The following WNK1 variants were observed in gnomAD, a reference collection of about 807,000 sequenced individuals.
WNK1 encodes WNK lysine deficient protein kinase 1, also known as serine/threonine-protein kinase WNK1.
WNK1 carries 38 observed loss-of-function variants against 222.8 expected under a neutral mutation model. The observed-to-expected ratio is 0.17, with a 90% CI of 0.13 to 0.22. WNK1 has a LOEUF of 0.22. Ranked by LOEUF, WNK1 falls within the 10% of genes least tolerant of loss-of-function variation. The probability of loss-of-function intolerance (pLI) is 1.00; values close to 1 mark genes in which losing one functional copy is unlikely to be tolerated. For synonymous variants in WNK1, 1,090 were observed against 1,092.9 expected (o/e 1.00, Z 0.05); for missense variants, 2,348 against 2,918.4 (o/e 0.80, Z 4.50).
chr12:856,844 AT>A (rs1950833887), intron 4 of WNK1, among the ~76,000 whole-genome samples: 1 of 152,238 alleles, frequency 6.6e-6, no homozygotes, highest in Non-Finnish European at 1.5e-5. Flanking sequence ...CTTCTAACCA[AT>A]TAGAACATTT....
At chr12:759,727 G>A (rs1323881109) in intron 1 of WNK1, among the ~76,000 whole-genome samples, 1 of 147,898 alleles carries the variant, frequency 6.8e-6, no homozygotes, top group African/African-American at 2.4e-5. Flanking sequence ...TTGTAACATA[G>A]TAGTTAAGAA....
chr12:900,738 C>T, intron 26 of WNK1, 68 bp downstream of exon 26: 1 of 1,596,044 alleles, frequency 6.3e-7, no homozygotes, highest in East Asian at 2.2e-5. Context: ...GGACAAAAGC[C>T]TGTTAAGGCG....
At chr12:763,078 A>G (rs1941243813) in intron 1 of WNK1, among the ~76,000 whole-genome samples, 1 of 146,800 alleles carries the variant, frequency 6.8e-6, no homozygotes, top group Non-Finnish European at 1.5e-5. Flanking sequence ...GTTTACTTTG[A>G]GGTTTGCAAG....
At chr12:847,908 G>C (rs1459988361) in intron 4 of WNK1, among the ~76,000 whole-genome samples, 1 of 141,560 alleles carries the variant, frequency 7.1e-6, no homozygotes, top group African/African-American at 2.6e-5. Flanking sequence ...CCAGGTTTAA[G>C]TGATAACTCC....
At chr12:777,977 A>G (rs1249313884) in intron 1 of WNK1, among the ~76,000 whole-genome samples, 1 of 152,224 alleles carries the variant, frequency 6.6e-6, no homozygotes, top group African/African-American at 2.4e-5. Context: ...TACTTTAGAA[A>G]GACTTTAAAC....
Position 884,068 on chromosome 12 carries a change from T to G in WNK1, c.3722-53T>G. ...ATGTGCCAATAATGAAGTCTAACAA[T>G]ATTTATAATAATAATGCTATTAAGT... On this transcript the variant is annotated intron_variant, in intron 17 of 27. Coordinates refer to ENST00000315939, the MANE Select transcript of WNK1 (RefSeq NM_018979.4). This position sits in a 1 kb window ranked among gnomAD's most constrained non-coding sequence, Gnocchi z 5.6. 6.2e-7 allele frequency: 1 copy of G among 1,610,924 alleles called. No individual in the cohort carries two copies.
rs377247405 is a variant in WNK1 at position 884,319 on chromosome 12, C to G, written c.3844+76C>G. The G allele has an allele frequency of 1.3e-6, 2 of 1,583,938 alleles. No individual in the cohort carries two copies. ...CTATGTTGAAAGCTTAATCATAAAG[C>G]AGTAATTTATGATGACACAGATAAT... On this transcript the variant is annotated intron_variant, in intron 18 of 27. Coordinates refer to ENST00000315939, the MANE Select transcript of WNK1 (RefSeq NM_018979.4). The surrounding 1 kb of genome is among the most constrained non-coding windows in gnomAD (Gnocchi z 5.6).
intron 8 of WNK1, among the ~76,000 whole-genome samples, chr12:870,855 G>A (rs1952081451): frequency 6.6e-6 from 1 of 152,176 alleles, no homozygotes; most frequent in African/African-American, 2.4e-5. Flanking sequence ...ACTACAAGAA[G>A]TATTACCAAA....
intron 1 of WNK1, among the ~76,000 whole-genome samples, chr12:793,796 AT>A (rs1264952449): frequency 6.6e-6 from 1 of 152,156 alleles, no homozygotes; most frequent in African/African-American, 2.4e-5. Context: ...ATACTATACA[AT>A]TCACTTGGTT....
Position 861,184 on chromosome 12 carries a change from G to A in WNK1, c.1792G>A (p.Ala598Thr), listed in dbSNP as rs774207364. The A allele has an allele frequency of 6.2e-7, 1 of 1,613,850 alleles. No individual in the cohort carries two copies. Among genetic ancestry groups the A allele is most frequent in the South Asian group, 1.1e-5 (1 of 91,074 alleles). ...CAAACAGCAGGTAGAACAATCCAGT[G>A]CTTCCCAGACAGGAATCAAGCAGCT... The part of the protein sequence containing the change: ...SLKQQVEQSS[A>T]SQTGIKQLPS... Residue 598 changes from alanine to threonine, a missense_variant, in exon 7 of 28, where the codon GCT becomes ACT. Physicochemically the swap from Ala to Thr is moderately conservative, Grantham distance 58 (BLOSUM62 0). Around this residue, in one of 13 missense-constraint regions of WNK1, gnomAD observed 103 missense variants for 111.5 expected, o/e 0.92. Coordinates refer to ENST00000315939, the MANE Select transcript of WNK1 (RefSeq NM_018979.4).
At chr12:807,707 A>C (rs61916742) in intron 1 of WNK1, among the ~76,000 whole-genome samples, 2 of 142,230 alleles carry the variant, frequency 1.4e-5, no homozygotes, top group East Asian at 2.1e-4. Flanking sequence ...AGGGAGCAAT[A>C]ATTCTTTTTT....
intron 9 of WNK1, 84 bp downstream of exon 9, chr12:871,432 C>T: frequency 7.1e-7 from 1 of 1,411,400 alleles, no homozygotes; most frequent in Non-Finnish European, 1.0e-6. Flanking sequence ...ATATAAATGG[C>T]CTGCTAAGTT....
chr12:873,580 C>T (rs903447880), intron 9 of WNK1, among the ~76,000 whole-genome samples: 1 of 152,032 alleles, frequency 6.6e-6, no homozygotes, highest in African/African-American at 2.4e-5. Flanking sequence ...AAATTATAAC[C>T]CAGAATTCAA....
At chr12:777,048 G>A (rs557877383) in intron 1 of WNK1, among the ~76,000 whole-genome samples, 84 of 151,372 alleles carry the variant, frequency 5.5e-4, no homozygotes, top group African/African-American at 1.9e-3. Flanking sequence ...AGAATTATGT[G>A]TATATTTAAA....
In WNK1 at chr12:899,370, G is replaced by A. The variant is rs1055657455; in HGVS notation, c.6449-1106G>A. 3.9e-5 allele frequency among the ~76,000 whole-genome samples: 6 copies of A among 151,968 alleles called. No homozygotes were observed. The East Asian group carries it at 1.2e-3, about 29-fold the overall frequency. On this transcript the variant is annotated intron_variant, in intron 25 of 27. Transcript: ENST00000315939. ...CTCAACCTCCAACTCCCAGGTTCAA[G>A]CAATTCTCATGCCCCAGCCTCCCAA...
chr12:820,915 A>C (rs1947811472), intron 2 of WNK1, among the ~76,000 whole-genome samples: 1 of 152,070 alleles, frequency 6.6e-6, no homozygotes, highest in African/African-American at 2.4e-5. Context: ...TATCCTTGTC[A>C]TATTACTGAT....
intron 9 of WNK1, among the ~76,000 whole-genome samples, chr12:875,467 T>C (rs1294439741): frequency 6.6e-6 from 1 of 152,200 alleles, no homozygotes; most frequent in Non-Finnish European, 1.5e-5. Context: ...ATTGAGAACA[T>C]CAGACAGAAT....
At chr12:868,147 T>C in intron 8 of WNK1, 1 of 1,613,988 alleles carries the variant, frequency 6.2e-7, no homozygotes. Context: ...CTACAGCCAG[T>C]AGAGTAACTG....
At chr12:799,056 G>A (rs1249681422) in intron 1 of WNK1, among the ~76,000 whole-genome samples, 3 of 151,904 alleles carry the variant, frequency 2.0e-5, no homozygotes, top group African/African-American at 4.8e-5. Context: ...CCTTCCCCCC[G>A]TCCCCAACTA....
Sources: gnomAD v4.1 joint callset for allele counts (sites outside exome capture counted in the v4.1 genomes callset) on GRCh38, gnomAD v4.1.1 for gene constraint, gnomAD v4.1.1 regional missense constraint, Gnocchi (gnomAD v3.1) non-coding constraint, MANE v1.5 for transcripts, NCBI Gene and HGNC (gene_info 2026-07-23, HGNC 2026-07-21) for gene names.